Variants in MCTP1 observed in about 807,000 individuals in gnomAD.
MCTP1 encodes the protein multiple C2 and transmembrane domain-containing protein 1.
In MCTP1, 69 loss-of-function variants were observed where a neutral mutation model predicts 120.6. That is an observed-to-expected ratio of 0.57 (90% confidence interval 0.47 to 0.70). MCTP1 has a LOEUF of 0.70. MCTP1 is among the 30% of genes least tolerant of loss of function. The pLI, the probability that MCTP1 is intolerant of heterozygous loss-of-function variation, is 0.00. For synonymous variants in MCTP1, 529 were observed against 493.1 expected, an observed-to-expected ratio of 1.07 and a Z score of -0.96; for missense variants, 1,203 against 1,248.8, an observed-to-expected ratio of 0.96 and a Z score of 0.55.
intron 17 of MCTP1, among the ~76,000 whole-genome samples, chr5:94,804,322 T>TA (rs1781822887): frequency 6.6e-6 from 1 of 152,240 alleles, no homozygotes; most frequent in African/African-American, 2.4e-5. Flanking sequence ...GTCTCTTACC[T>TA]ATAAAATGGA....
intron 5 of MCTP1, among the ~76,000 whole-genome samples, chr5:94,932,519 G>A (rs934662521): frequency 1.3e-5 from 2 of 151,976 alleles, no homozygotes; most frequent in Non-Finnish European, 1.5e-5. Flanking sequence ...CCTGCTAAAC[G>A]TTTAGTGAAA....
chr5:94,881,589 C>T (rs1471877796), intron 12 of MCTP1, among the ~76,000 whole-genome samples: 2 of 152,040 alleles, frequency 1.3e-5, no homozygotes, highest in African/African-American at 2.4e-5. Context: ...GCCTGCCCTG[C>T]CATTTACAAG....
At chr5:95,203,420 G>T (rs926659966) in intron 1 of MCTP1, among the ~76,000 whole-genome samples, 1 of 152,176 alleles carries the variant, frequency 6.6e-6, no homozygotes, top group African/African-American at 2.4e-5. Flanking sequence ...TGAGACCCTT[G>T]TGAATTAGGT....
intron 1 of MCTP1, among the ~76,000 whole-genome samples, chr5:95,071,692 G>T (rs185135429): frequency 2.5e-3 from 375 of 152,258 alleles, no homozygotes; most frequent in Middle Eastern, 6.8e-3. Context: ...GAAATAACCA[G>T]TGTATTGCAT....
rs1284542406 is a variant in MCTP1 at position 94,763,976 on chromosome 5, A to G, written c.2610+15134T>C. Among the ~76,000 whole-genome samples the G allele has an allele frequency of 2.6e-5, 4 of 152,342 alleles. No homozygotes were observed. In the East Asian group the frequency reaches 7.7e-4, roughly 29 times the overall value. ...TTATGTTGCAGTCACAAAGACCCCC[A>G]AAATCATAGAGGCTTATAATCGAGA... On this transcript the variant is annotated intron_variant, in intron 19 of 22. Transcript: ENST00000515393.
intron 19 of MCTP1, among the ~76,000 whole-genome samples, chr5:94,749,685 A>AAT (rs1580459721): frequency 7.1e-6 from 1 of 140,250 alleles, no homozygotes; most frequent in Non-Finnish European, 1.5e-5. Context: ...AAAAAAAAAA[A>AAT]ATATCAAGGC....
chr5:94,772,227 G>A (rs1774252265), intron 19 of MCTP1, among the ~76,000 whole-genome samples: 1 of 152,108 alleles, frequency 6.6e-6, no homozygotes, highest in South Asian at 2.1e-4. Flanking sequence ...ACCGCCCTGT[G>A]GTTCTCTTTC....
At chr5:95,061,874 G>C (rs1352335088) in intron 1 of MCTP1, among the ~76,000 whole-genome samples, 1 of 152,180 alleles carries the variant, frequency 6.6e-6, no homozygotes, top group Non-Finnish European at 1.5e-5. Flanking sequence ...AATACATAAG[G>C]ACACTGAGTC....
intron 17 of MCTP1, among the ~76,000 whole-genome samples, chr5:94,859,690 G>A (rs1171346851): frequency 6.6e-6 from 1 of 151,698 alleles, no homozygotes; most frequent in African/African-American, 2.4e-5. Context: ...AGAAGAAAAT[G>A]TAGCTATCTG....
At chr5:95,106,393 C>T (rs1428363987) in intron 1 of MCTP1, among the ~76,000 whole-genome samples, 2 of 152,202 alleles carry the variant, frequency 1.3e-5, no homozygotes, top group Non-Finnish European at 2.9e-5. Context: ...AGGGAGCCCA[C>T]TACTCAGAGG....
chr5:95,258,305 G>A (rs1442028327), intron 1 of MCTP1, among the ~76,000 whole-genome samples: 1 of 151,998 alleles, frequency 6.6e-6, no homozygotes, highest in African/African-American at 2.4e-5. Context: ...TTTCCCTTTG[G>A]GGTTTCCTCC....
intron 17 of MCTP1, among the ~76,000 whole-genome samples, chr5:94,859,776 CT>C (rs1217480441): frequency 6.6e-6 from 1 of 151,672 alleles, no homozygotes; most frequent in Non-Finnish European, 1.5e-5. Context: ...TATAACACTT[CT>C]CGTATACAAC....
intron 11 of MCTP1, among the ~76,000 whole-genome samples, chr5:94,889,982 A>T (rs1382862877): frequency 6.6e-6 from 1 of 152,126 alleles, no homozygotes; most frequent in Non-Finnish European, 1.5e-5. Context: ...TGGTTTGGAG[A>T]TTAGTGGCTT....
chr5:94,707,475 C>G lies in MCTP1; in HGVS notation c.*21G>C, dbSNP rs567938520. The stretch of plus-strand genomic sequence containing the variant: ...TTTATCTTCCCAAACAGATGCTGGT[C>G]TCCTCAGTGCTGGGAGCTGGCTAGC... On this transcript the variant is annotated 3_prime_UTR_variant, in exon 23 of 23. Coordinates refer to ENST00000515393, the MANE Select transcript of MCTP1 (RefSeq NM_024717.7). 1.9e-6 allele frequency: 3 copies of G among 1,580,524 alleles called. No homozygotes were observed. The South Asian group carries it at 3.3e-5, about 18-fold the overall frequency.
intron 19 of MCTP1, among the ~76,000 whole-genome samples, chr5:94,727,461 T>G (rs1294450716): frequency 1.3e-5 from 2 of 152,204 alleles, no homozygotes; most frequent in South Asian, 4.1e-4. Flanking sequence ...GGACTGTGAC[T>G]GGAATCAATT....
chr5:95,271,662 A>G (rs1381876702), intron 1 of MCTP1, among the ~76,000 whole-genome samples: 2 of 152,092 alleles, frequency 1.3e-5, no homozygotes, highest in Admixed American at 6.5e-5. Flanking sequence ...GGCTGTAAGT[A>G]TGATACACAC....
chr5:95,208,096 T>G (rs1350284694), intron 1 of MCTP1, among the ~76,000 whole-genome samples: 1 of 151,986 alleles, frequency 6.6e-6, no homozygotes, highest in Non-Finnish European at 1.5e-5. Context: ...CTGTTGTTGT[T>G]GTTGTTGTTT....
At chr5:94,764,597 A>G (rs1772123880) in intron 19 of MCTP1, among the ~76,000 whole-genome samples, 1 of 152,170 alleles carries the variant, frequency 6.6e-6, no homozygotes, top group Non-Finnish European at 1.5e-5. Flanking sequence ...TACATCTGAT[A>G]AAACAGATGT....
chr5:95,106,212 CA>C (rs1294327148), intron 1 of MCTP1, among the ~76,000 whole-genome samples: 1 of 152,192 alleles, frequency 6.6e-6, no homozygotes, highest in East Asian at 1.9e-4. Context: ...TTGTCTTGCA[CA>C]AAGTGATGGT....
Sources: allele counts gnomAD v4.1 joint callset (sites outside exome capture counted in the v4.1 genomes callset), GRCh38; gene constraint gnomAD v4.1.1; transcripts MANE v1.5; gene names NCBI Gene and HGNC (gene_info 2026-07-23, HGNC 2026-07-21).